PADI2: variants seen among roughly 807,000 people sequenced by gnomAD.
PADI2 encodes the protein protein-arginine deiminase type-2.
In PADI2, 70 loss-of-function variants were observed where a neutral mutation model predicts 81.1. That is an observed-to-expected ratio of 0.86 (90% confidence interval 0.71 to 1.05). PADI2 has a LOEUF of 1.05. Ranked by LOEUF, PADI2 falls within the 50% of genes least tolerant of loss-of-function variation. The pLI, the probability that PADI2 is intolerant of heterozygous loss-of-function variation, is 0.00. For synonymous variants in PADI2, 338 were observed against 358.0 expected, an observed-to-expected ratio of 0.94 and a Z score of 0.63; for missense variants, 853 against 889.9, an observed-to-expected ratio of 0.96 and a Z score of 0.53.
chr1:17,079,503 C>G, intron 10 of PADI2, 88 bp from the exon 11 acceptor site: 1 of 1,173,714 alleles, frequency 8.5e-7, no homozygotes, highest in South Asian at 1.4e-5. Flanking sequence ...CACCTTCAGT[C>G]TGGGTCTGTG....
In PADI2 at chr1:17,119,382, G is replaced by C; in HGVS notation, c.-11C>G. 1 of 1,524,102 alleles carries C rather than the reference G, an allele frequency of 6.6e-7. No homozygotes were observed. Among genetic ancestry groups the C allele is most frequent in the Non-Finnish European group, 8.8e-7 (1 of 1,135,572 alleles). The allele number at this position is 1,524,102 out of a possible 1,614,324, so 94.4% of individuals were successfully genotyped here. A position where few individuals can be genotyped will look rare whatever the true frequency, so the allele number is the denominator to read the frequency against. On this transcript the variant is annotated 5_prime_UTR_variant, in exon 1 of 16. Coordinates refer to ENST00000375486, the MANE Select transcript of PADI2 (RefSeq NM_007365.3). This position sits in a 1 kb window ranked among gnomAD's most constrained non-coding sequence, Gnocchi z 4.8. ...CCGCTCGCGCAGCATCCTCCCCGCC[G>C]CAGTGCCCGCGCTCGCTGGTCCGGG...
At position 17,092,539 on chromosome 1, in the gene PADI2, G is replaced by C; in HGVS notation, c.530-6C>G. On this transcript the variant is annotated splice_polypyrimidine_tract_variant and splice_region_variant and intron_variant, in intron 5 of 15. Coordinates refer to ENST00000375486, the MANE Select transcript of PADI2 (RefSeq NM_007365.3). ...CTGGGACATGTCCTTGAGATCTGAGGGACAGAAGGTGAGAATGAAGAGATC... is the reference window on the plus strand; with the variant it reads ...CTGGGACATGTCCTTGAGATCTGAGCGACAGAAGGTGAGAATGAAGAGATC... The C allele has an allele frequency of 6.3e-7, 1 of 1,576,722 alleles. No homozygotes were observed. The highest frequency in any genetic ancestry group is 8.6e-7 in the Non-Finnish European group (1 of 1,162,720).
chr1:17,069,385 A>C, intron 15 of PADI2, 108 bp from the exon 16 acceptor site: 1 of 817,470 alleles, frequency 1.2e-6, no homozygotes, highest in Non-Finnish European at 2.0e-6. Context: ...TGAAGTAGTA[A>C]CTGTGATTGG....
At position 17,070,142 on chromosome 1, in the gene PADI2, G is replaced by A. The variant is rs369376083; in HGVS notation, c.1710C>T (p.Pro570=). ...GGTCCTCGTCCATCTTGAACAGAGC[G>A]GGCAGGTCAATGATGTCCTGCTCTG... is the stretch of plus-strand genomic sequence containing the variant. The part of the protein sequence containing the change: ...GLTEQDIIDL[P]ALFKMDEDHR... Residue 570 remains proline, a synonymous_variant, in exon 15 of 16, where the codon CCC becomes CCT. Transcript: ENST00000375486. 25 of 1,614,076 alleles carry A rather than the reference G, an allele frequency of 1.5e-5. No individual in the cohort carries two copies. The highest frequency in any genetic ancestry group is 1.6e-4 in the Middle Eastern group (1 of 6,062).
intron 8 of PADI2, 132 bp from the exon 9 acceptor site, chr1:17,083,969 G>A (rs150974108): frequency 1.9e-5 from 12 of 635,094 alleles, no homozygotes; most frequent in African/African-American, 9.0e-5. Context: ...CTGTGCTCAC[G>A]GCCACCTTTA....
intron 10 of PADI2, among the ~76,000 whole-genome samples, chr1:17,082,138 CA>C (rs999674395): frequency 8.5e-5 from 13 of 152,136 alleles, no homozygotes; most frequent in African/African-American, 2.9e-4. Context: ...ACACACGCAC[CA>C]AAAACCATAG....
chr1:17,096,472 G>A lies in PADI2; in HGVS notation c.350-502C>T, dbSNP rs563216241. Among the ~76,000 whole-genome samples, 9 of 152,366 alleles carry A rather than the reference G, an allele frequency of 5.9e-5. No homozygotes were observed. The East Asian group carries it at 1.2e-3, about 20-fold the overall frequency. On this transcript the variant is annotated intron_variant, in intron 3 of 15. Transcript: ENST00000375486. ...TGTGCACATGTGCACCTGGGTGTGC[G>A]TGTCTCTTTCTCTCCCAGAACTTCC...
intron 11 of PADI2, among the ~76,000 whole-genome samples, chr1:17,078,300 G>A (rs1221118057): frequency 3.3e-5 from 5 of 152,096 alleles, no homozygotes; most frequent in Non-Finnish European, 5.9e-5. Flanking sequence ...TAGTAGAGAC[G>A]AGATTTTTCC....
At chr1:17,112,528 G>C (rs976637451) in intron 1 of PADI2, among the ~76,000 whole-genome samples, 3 of 151,930 alleles carry the variant, frequency 2.0e-5, no homozygotes, top group South Asian at 2.1e-4. Context: ...GAGTCTGGGG[G>C]GGGGAGTCGT....
intron 6 of PADI2, among the ~76,000 whole-genome samples, chr1:17,090,581 T>TTGTGTGTG (rs3036949): frequency 0.16 from 23,080 of 142,634 alleles, 2,255 homozygotes; most frequent in Non-Finnish European, 0.22. Context: ...CGTCCTTTGC[T>TTGTGTGTG]TGTGTGTGTG....
rs1398721046 is a variant in PADI2 at position 17,068,917 on chromosome 1, AT to A, written c.*126del. ...GGAGGGCAAGGCACAGATACCCCAA[AT>A]TCCACCCCACGTCCCAAAGGTCTCC... On this transcript the variant is annotated 3_prime_UTR_variant, in exon 16 of 16. Coordinates refer to ENST00000375486, the MANE Select transcript of PADI2 (RefSeq NM_007365.3). 103 of 746,068 alleles carry A rather than the reference AT, an allele frequency of 1.4e-4. No individual in the cohort carries two copies. The African/African-American group carries it at 1.6e-3, about 11-fold the overall frequency. The allele number at this position is 746,068 out of a possible 1,614,324, so 46.2% of individuals were successfully genotyped here.
rs147327367 is a variant in PADI2, at chr1:17,115,850, T to G, written c.92+3430A>C. 1.1e-4 allele frequency among the ~76,000 whole-genome samples: 16 copies of G among 152,236 alleles called. No individual in the cohort carries two copies. The highest frequency in any genetic ancestry group is 3.6e-4 in the African/African-American group (15 of 41,462). On this transcript the variant is annotated intron_variant, in intron 1 of 15. Transcript: ENST00000375486. This position sits in a 1 kb window ranked among gnomAD's most constrained non-coding sequence, Gnocchi z 4.1. ...CTTTAACAACAATCACAAAGTACAATTTCTAACAAACACCCTACTTCCTTC... is the reference window on the plus strand; with the variant it reads ...CTTTAACAACAATCACAAAGTACAAGTTCTAACAAACACCCTACTTCCTTC...
chr1:17,101,149 C>T (rs186794889), intron 3 of PADI2, among the ~76,000 whole-genome samples: 1 of 152,168 alleles, frequency 6.6e-6, no homozygotes, highest in Admixed American at 6.5e-5. Context: ...GGTCACTTGT[C>T]GTGGGCACAT....
chr1:17,090,818 T>C (rs2014719), intron 6 of PADI2, among the ~76,000 whole-genome samples: 86,683 of 151,318 alleles, frequency 0.57, 25,072 homozygotes, highest in Non-Finnish European at 0.63. Flanking sequence ...TGGCAAGTGA[T>C]GAGGAGGGAT....
chr1:17,091,942 G>A (rs891549493), intron 6 of PADI2, among the ~76,000 whole-genome samples: 3 of 152,180 alleles, frequency 2.0e-5, no homozygotes, highest in Non-Finnish European at 4.4e-5. Context: ...TAGCTCCAGG[G>A]CAGGAGCCCG....
chr1:17,095,786 G>T, intron 4 of PADI2, 123 bp downstream of exon 4: 1 of 701,224 alleles, frequency 1.4e-6, no homozygotes. Context: ...TATGCTGTGT[G>T]TCTGGGAGCC....
At chr1:17,074,014 G>A (rs573938202) in intron 13 of PADI2, among the ~76,000 whole-genome samples, 27 of 152,288 alleles carry the variant, frequency 1.8e-4, no homozygotes, top group Non-Finnish European at 3.5e-4. Flanking sequence ...AAATTGTATT[G>A]CATCTATTTT....
intron 1 of PADI2, among the ~76,000 whole-genome samples, chr1:17,112,121 G>A (rs1449746544): frequency 6.6e-6 from 1 of 152,140 alleles, no homozygotes; most frequent in Non-Finnish European, 1.5e-5. Flanking sequence ...AAGCAACAGA[G>A]GAAGTGGGGA....
intron 14 of PADI2, 34 bp from the exon 15 acceptor site, chr1:17,070,250 G>C (rs2078256132): frequency 6.2e-7 from 1 of 1,611,084 alleles, no homozygotes; most frequent in Admixed American, 1.7e-5. Flanking sequence ...GCATGCAGGT[G>C]AGGGGGACAC....
Sources: gnomAD v4.1 joint callset for allele counts (sites outside exome capture counted in the v4.1 genomes callset) on GRCh38, gnomAD v4.1.1 for gene constraint, Gnocchi (gnomAD v3.1) non-coding constraint, MANE v1.5 for transcripts, NCBI Gene and HGNC (gene_info 2026-07-23, HGNC 2026-07-21) for gene names.